The following KLHL2 variants were observed in gnomAD, a reference collection of about 807,000 sequenced individuals.
The protein encoded by KLHL2 is kelch like family member 2, also known as kelch-like protein 2.
In KLHL2, 15 loss-of-function variants were observed where a neutral mutation model predicts 75.8. That is an observed-to-expected ratio of 0.20 (90% CI 0.13 to 0.30). The LOEUF is 0.30. Ranked by LOEUF, KLHL2 falls within the 10% of genes least tolerant of loss-of-function variation. The pLI is 1.00. For synonymous variants in KLHL2, 214 were observed against 251.9 expected (o/e 0.85, Z 1.42); for missense variants, 381 against 741.0 (o/e 0.51, Z 5.64).
chr4:165,252,420 C>G (rs560505293), intron 4 of KLHL2, among the ~76,000 whole-genome samples: 3 of 151,888 alleles, frequency 2.0e-5, no homozygotes, highest in Non-Finnish European at 4.4e-5. Context: ...TTTATAAACC[C>G]TAGCATTATT....
intron 5 of KLHL2, among the ~76,000 whole-genome samples, chr4:165,293,210 A>G (rs968786684): frequency 2.6e-5 from 4 of 152,212 alleles, no homozygotes; most frequent in East Asian, 1.9e-4. Flanking sequence ...CAATCATTGC[A>G]CTGATAGTCT....
intron 14 of KLHL2, chr4:165,321,320 A>T (rs769714151): frequency 6.6e-6 from 3 of 455,868 alleles, no homozygotes; most frequent in South Asian, 4.7e-5. Context: ...AGCCTGCTCA[A>T]TGTGAAGAGA....
At chr4:165,222,841 C>T (rs1335206549) in intron 2 of KLHL2, among the ~76,000 whole-genome samples, 1 of 152,186 alleles carries the variant, frequency 6.6e-6, no homozygotes, top group Non-Finnish European at 1.5e-5. Context: ...CACCACTCTG[C>T]CCTTGGGCTC....
At chr4:165,233,778 G>T (rs1397513803) in intron 3 of KLHL2, among the ~76,000 whole-genome samples, 1 of 152,164 alleles carries the variant, frequency 6.6e-6, no homozygotes, top group African/African-American at 2.4e-5. Flanking sequence ...TGATATTGAT[G>T]ATGGCTCTGA....
chr4:165,240,624 A>G, intron 4 of KLHL2, among the ~76,000 whole-genome samples: 1 of 151,116 alleles, frequency 6.6e-6, no homozygotes. Context: ...CTGGTCTTTT[A>G]GGTACATTTA....
intron 1 of KLHL2, among the ~76,000 whole-genome samples, chr4:165,215,286 A>T (rs1326321862): frequency 1.2e-4 from 19 of 152,156 alleles, no homozygotes; most frequent in Non-Finnish European, 1.9e-4. Context: ...ATGTGAGAGT[A>T]TTTTGTTGAG....
rs576865673 is a variant in KLHL2 at position 165,220,211 on chromosome 4, C to T, written c.152+152C>T. ...CTGCAAGTTTTTTAAAGGAAAAGAG[C>T]AAATAATTTATCAGAAGTGTGGATG... On this transcript the variant is annotated intron_variant, in intron 2 of 14. Coordinates refer to ENST00000226725, the MANE Select transcript of KLHL2 (RefSeq NM_007246.4). 4.6e-4 allele frequency: 598 copies of T among 1,289,926 alleles called. 1 individual carries two copies. In the Middle Eastern group the frequency reaches 4.8e-3, roughly 10 times the overall value. 79.9% of individuals were successfully genotyped at this position (1,289,926 alleles called of 1,614,324 possible).
chr4:165,257,626 A>T (rs1741293030), intron 4 of KLHL2, among the ~76,000 whole-genome samples: 1 of 152,242 alleles, frequency 6.6e-6, no homozygotes, highest in African/African-American at 2.4e-5. Context: ...GTGGTAGGCT[A>T]CAAGAAGTGT....
intron 4 of KLHL2, among the ~76,000 whole-genome samples, chr4:165,251,856 G>A (rs1313761346): frequency 2.0e-5 from 3 of 151,970 alleles, no homozygotes; most frequent in Non-Finnish European, 4.4e-5. Flanking sequence ...TGATCCGCCC[G>A]CCTCGGCCTC....
chr4:165,259,425 A>G (rs1741466008), intron 4 of KLHL2, among the ~76,000 whole-genome samples: 3 of 152,176 alleles, frequency 2.0e-5, no homozygotes. Context: ...TATATTCTTA[A>G]CTATTAATGC....
chr4:165,319,401 C>G lies in KLHL2; in HGVS notation c.1753+1432C>G, dbSNP rs13353819. The stretch of plus-strand genomic sequence containing the variant: ...GAAGCAGAGAAGAGTCATGACATTA[C>G]AAGAAAAAGCTGAATTGCTTGAGAT... On this transcript the variant is annotated intron_variant, in intron 14 of 14. Transcript: ENST00000226725. This position sits in a 1 kb window ranked among gnomAD's most constrained non-coding sequence, Gnocchi z 4.5. Among the ~76,000 whole-genome samples the G allele has an allele frequency of 0.25, 38,513 of 152,046 alleles. 5,536 individuals carry two copies. Among genetic ancestry groups the G allele is most frequent in the Non-Finnish European group, 0.34 (22,859 of 67,974 alleles).
intron 13 of KLHL2, among the ~76,000 whole-genome samples, chr4:165,317,444 C>G (rs1371512434): frequency 1.3e-5 from 2 of 151,668 alleles, no homozygotes; most frequent in African/African-American, 2.4e-5. Context: ...CTCTCTGTAG[C>G]CTCTGCCTCC....
chr4:165,224,480 A>G (rs945837992), intron 2 of KLHL2, among the ~76,000 whole-genome samples: 1 of 152,242 alleles, frequency 6.6e-6, no homozygotes, highest in Non-Finnish European at 1.5e-5. Flanking sequence ...GCAGTTCTTA[A>G]CATTCCAGAA....
chr4:165,313,078 G>C (rs1243504316), intron 11 of KLHL2, among the ~76,000 whole-genome samples, 160 bp from the exon 12 acceptor site: 1 of 152,108 alleles, frequency 6.6e-6, no homozygotes, highest in Non-Finnish European at 1.5e-5. Flanking sequence ...GTCACCATTA[G>C]GCAAGACCCT....
chr4:165,314,257 C>A, intron 13 of KLHL2, 91 bp downstream of exon 13: 1 of 1,227,496 alleles, frequency 8.1e-7, no homozygotes, highest in Non-Finnish European at 1.2e-6. Flanking sequence ...AATGGTATTT[C>A]CATTGTTCTT....
At chr4:165,240,921 C>T (rs1211290341) in intron 4 of KLHL2, among the ~76,000 whole-genome samples, 1 of 152,146 alleles carries the variant, frequency 6.6e-6, no homozygotes, top group East Asian at 1.9e-4. Context: ...AGGAGAACAC[C>T]TCTCATGTTT....
Position 165,257,426 on chromosome 4 carries a change from C to T in KLHL2, c.382-5771C>T, listed in dbSNP as rs553027767. On this transcript the variant is annotated intron_variant, in intron 4 of 14. Coordinates refer to ENST00000226725, the MANE Select transcript of KLHL2 (RefSeq NM_007246.4). ...GGTGGTCCCACAGCATTATTTCCTG[C>T]ATGCTTCCAGACTGTGTGGGTATGA... Among the ~76,000 whole-genome samples, 4 of 152,342 alleles carry T rather than the reference C, an allele frequency of 2.6e-5. No homozygotes were observed. In the East Asian group the frequency reaches 7.7e-4, roughly 29 times the overall value.
intron 2 of KLHL2, among the ~76,000 whole-genome samples, chr4:165,226,583 T>G (rs1343284538): frequency 1.3e-5 from 2 of 152,168 alleles, no homozygotes; most frequent in Non-Finnish European, 2.9e-5. Context: ...GCAGAGATGG[T>G]CTTGCAGTAC....
At chr4:165,245,960 C>T (rs1332047898) in intron 4 of KLHL2, among the ~76,000 whole-genome samples, 1 of 152,016 alleles carries the variant, frequency 6.6e-6, no homozygotes, top group Admixed American at 6.6e-5. Context: ...GACACTGTTC[C>T]AACCATTGGT....
Sources: allele counts gnomAD v4.1 joint callset (sites outside exome capture counted in the v4.1 genomes callset), GRCh38; gene constraint gnomAD v4.1.1; non-coding constraint Gnocchi (gnomAD v3.1); transcripts MANE v1.5; gene names NCBI Gene and HGNC (gene_info 2026-07-23, HGNC 2026-07-21).